NKAIN2: variants seen among roughly 807,000 people sequenced by gnomAD.
NKAIN2 encodes sodium/potassium transporting ATPase interacting 2.
A neutral mutation model predicts 32.6 loss-of-function variants in NKAIN2; 14 were observed. The ratio of observed to expected loss-of-function variants is 0.43; its 90% CI spans 0.28 to 0.67. NKAIN2 has a LOEUF of 0.67. Among genes scored for constraint, NKAIN2 ranks in the 30% least tolerant of loss-of-function variants. The pLI is 0.17. For synonymous variants in NKAIN2, 80 were observed against 87.2 expected (o/e 0.92, Z 0.46); for missense variants, 198 against 258.3 (o/e 0.77, Z 1.60).
At chr6:123,932,524 C>T (rs1776301795) in intron 1 of NKAIN2, among the ~76,000 whole-genome samples, 1 of 148,828 alleles carries the variant, frequency 6.7e-6, no homozygotes, top group Non-Finnish European at 1.5e-5. Flanking sequence ...TCACGCCATT[C>T]TCCTGCCTCA....
chr6:124,695,909 G>C (rs1774475107), intron 4 of NKAIN2, among the ~76,000 whole-genome samples: 1 of 152,222 alleles, frequency 6.6e-6, no homozygotes, highest in African/African-American at 2.4e-5. Context: ...ATTTTATGTA[G>C]CATGATGGCA....
intron 1 of NKAIN2, among the ~76,000 whole-genome samples, chr6:123,818,644 C>T (rs1267270024): frequency 2.0e-5 from 3 of 152,090 alleles, no homozygotes; most frequent in Non-Finnish European, 4.4e-5. Flanking sequence ...TTGGTGGACT[C>T]TAATTTGCAT....
intron 1 of NKAIN2, among the ~76,000 whole-genome samples, chr6:123,903,509 G>C (rs939949845): frequency 2.0e-5 from 3 of 152,116 alleles, no homozygotes; most frequent in South Asian, 4.1e-4. Context: ...GAATGGCCCT[G>C]GGTGTTACTA....
At chr6:124,250,926 G>A (rs1793666385) in intron 1 of NKAIN2, among the ~76,000 whole-genome samples, 1 of 151,950 alleles carries the variant, frequency 6.6e-6, no homozygotes, top group Non-Finnish European at 1.5e-5. Flanking sequence ...GGTATCATCT[G>A]AAGAAAGATA....
chr6:124,376,751 T>A (rs1385147890), intron 3 of NKAIN2, among the ~76,000 whole-genome samples: 1 of 152,166 alleles, frequency 6.6e-6, no homozygotes, highest in Non-Finnish European at 1.5e-5. Context: ...TTTATAAATT[T>A]CTCTACTATA....
chr6:124,791,293 G>C, intron 4 of NKAIN2, 46 bp from the exon 5 acceptor site: 1 of 1,474,352 alleles, frequency 6.8e-7, no homozygotes, highest in Non-Finnish European at 9.5e-7. Context: ...GAGGTCTGGT[G>C]TTGGTGCCTT....
intron 1 of NKAIN2, among the ~76,000 whole-genome samples, chr6:124,257,910 C>G (rs918233917): frequency 6.6e-6 from 1 of 151,330 alleles, no homozygotes; most frequent in African/African-American, 2.4e-5. Context: ...TCCCAAGTAG[C>G]TGGGATTACA....
chr6:124,216,456 T>C (rs575340742), intron 1 of NKAIN2, among the ~76,000 whole-genome samples: 143 of 152,350 alleles, frequency 9.4e-4, no homozygotes, highest in African/African-American at 3.0e-3. Flanking sequence ...AAATTTGAGA[T>C]ACTCAACACG....
At chr6:124,694,486 T>C (rs949917501) in intron 4 of NKAIN2, among the ~76,000 whole-genome samples, 3 of 152,322 alleles carry the variant, frequency 2.0e-5, no homozygotes, top group South Asian at 4.1e-4. Context: ...TGTTCCCCCA[T>C]TGAATCCATT....
intron 4 of NKAIN2, among the ~76,000 whole-genome samples, chr6:124,748,813 C>T (rs147230786): frequency 1.3e-5 from 2 of 150,138 alleles, no homozygotes; most frequent in Non-Finnish European, 3.0e-5. Context: ...AGTTGAGAAC[C>T]ATTTGCTACT....
chr6:124,352,549 A>G (rs1398056723), intron 2 of NKAIN2, among the ~76,000 whole-genome samples: 1 of 152,158 alleles, frequency 6.6e-6, no homozygotes, highest in Admixed American at 6.6e-5. Context: ...TTTTCAGGAG[A>G]GTTTGATATG....
At chr6:124,412,976 G>A (rs62436316) in intron 3 of NKAIN2, among the ~76,000 whole-genome samples, 6,795 of 152,266 alleles carry the variant, frequency 0.045, 256 homozygotes, top group Non-Finnish European at 0.065. Context: ...TCCGAGCCAG[G>A]TGCAGGAGAT....
At chr6:124,391,246 T>C (rs74662555) in intron 3 of NKAIN2, among the ~76,000 whole-genome samples, 1 of 152,232 alleles carries the variant, frequency 6.6e-6, no homozygotes, top group East Asian at 1.9e-4. Context: ...AAAGATGTGG[T>C]AAAAATTATT....
intron 4 of NKAIN2, among the ~76,000 whole-genome samples, chr6:124,667,015 C>T (rs1772830574): frequency 6.6e-6 from 1 of 152,102 alleles, no homozygotes; most frequent in African/African-American, 2.4e-5. Context: ...CAGTGACATA[C>T]AAAAATTAAC....
intron 1 of NKAIN2, among the ~76,000 whole-genome samples, chr6:124,258,007 C>G (rs1794033512): frequency 6.6e-6 from 1 of 151,890 alleles, no homozygotes; most frequent in Non-Finnish European, 1.5e-5. Flanking sequence ...TCTCAAACTC[C>G]CGATCTCAGG....
intron 1 of NKAIN2, among the ~76,000 whole-genome samples, chr6:124,047,691 A>G (rs148163015): frequency 1.3e-5 from 2 of 152,164 alleles, no homozygotes; most frequent in East Asian, 1.9e-4. Flanking sequence ...ATAGTGACAG[A>G]TACCTTCTTT....
intron 3 of NKAIN2, among the ~76,000 whole-genome samples, chr6:124,467,990 T>C (rs1776830367): frequency 6.6e-6 from 1 of 152,108 alleles, no homozygotes; most frequent in Non-Finnish European, 1.5e-5. Context: ...CATTAGATCA[T>C]TGTAAGACTA....
At chr6:124,012,642 T>G (rs1780389978) in intron 1 of NKAIN2, among the ~76,000 whole-genome samples, 1 of 152,172 alleles carries the variant, frequency 6.6e-6, no homozygotes, top group African/African-American at 2.4e-5. Context: ...AGAGCTATTC[T>G]TCTTACATGC....
At chr6:123,857,063 T>C (rs1005058668) in intron 1 of NKAIN2, among the ~76,000 whole-genome samples, 5 of 152,166 alleles carry the variant, frequency 3.3e-5, no homozygotes, top group Non-Finnish European at 7.4e-5. Flanking sequence ...CTTAATCTTT[T>C]ATTTATTTTG....
Sources: allele counts gnomAD v4.1 joint callset (sites outside exome capture counted in the v4.1 genomes callset), GRCh38; gene constraint gnomAD v4.1.1; transcripts MANE v1.5; gene names NCBI Gene and HGNC (gene_info 2026-07-23, HGNC 2026-07-21).